The following NTN4 variants were observed in gnomAD, a reference collection of about 807,000 sequenced individuals.
The protein encoded by NTN4 is netrin 4, also known as netrin-4.
Under a neutral mutation model 73.6 loss-of-function variants are expected in NTN4, and 32 were observed. The ratio of observed to expected loss-of-function variants is 0.44; its 90% CI spans 0.33 to 0.58. NTN4 has a LOEUF of 0.58. Ranked by LOEUF, NTN4 falls within the 20% of genes least tolerant of loss-of-function variation. NTN4 has a pLI of 0.04. For synonymous variants in NTN4, 258 were observed against 287.5 expected, an observed-to-expected ratio of 0.90 and a Z score of 1.04; for missense variants, 654 against 798.3, an observed-to-expected ratio of 0.82 and a Z score of 2.18.
chr12:95,672,484 AAG>A, intron 7 of NTN4: 1 of 1,525,926 alleles, frequency 6.6e-7, no homozygotes, highest in Non-Finnish European at 9.1e-7. Context: ...CTCAGTGCAG[AAG>A]AGAGCGACCC....
intron 3 of NTN4, among the ~76,000 whole-genome samples, chr12:95,718,840 C>T (rs61938132): frequency 6.6e-6 from 1 of 152,154 alleles, no homozygotes; most frequent in African/African-American, 2.4e-5. Flanking sequence ...TCTCTCTCTA[C>T]TGCATGTTTC....
At position 95,658,834 on chromosome 12, in the gene NTN4, AAT is replaced by A. The variant is rs1322103302; in HGVS notation, c.*250_*251del. ...GTCATGCTGCTATTAAAATATTCTT[AAT>A]AGTTAAGAATTTCAGAATCAGTCCC... On this transcript the variant is annotated 3_prime_UTR_variant, in exon 10 of 10. Coordinates refer to ENST00000343702, the MANE Select transcript of NTN4 (RefSeq NM_021229.4). The A allele has an allele frequency of 1.2e-4, 36 of 303,788 alleles. No individual in the cohort carries two copies. The highest frequency in any genetic ancestry group is 7.8e-4 in the African/African-American group (36 of 46,424). 18.8% of individuals were successfully genotyped at this position (303,788 alleles called of 1,614,324 possible).
At chr12:95,706,791 T>C (rs944461609) in intron 5 of NTN4, among the ~76,000 whole-genome samples, 4 of 152,056 alleles carry the variant, frequency 2.6e-5, no homozygotes, top group African/African-American at 7.2e-5. Context: ...AAACTGGCTT[T>C]GTTAACCAAT....
intron 2 of NTN4, 124 bp from the exon 3 acceptor site, chr12:95,738,268 G>T: frequency 1.1e-6 from 1 of 937,962 alleles, no homozygotes; most frequent in Non-Finnish European, 1.6e-6. Context: ...ATAACAAGAA[G>T]TTTTTAGACC....
rs534838293 is a variant in NTN4, at chr12:95,713,098, G to C, written c.991+114C>G. On this transcript the variant is annotated intron_variant, in intron 4 of 9. Transcript: ENST00000343702. ...CAGTGATATGGCTATGTTTGTGTAG[G>C]GTCTAGTGTTTGTCACCCACCACTT... The C allele has an allele frequency of 2.8e-5, 35 of 1,257,420 alleles. No homozygotes were observed. In the African/African-American group the frequency reaches 4.4e-4, roughly 16 times the overall value. The allele number at this position is 1,257,420 out of a possible 1,614,324, so 77.9% of individuals were successfully genotyped here.
chr12:95,775,848 C>T lies in NTN4; in HGVS notation c.585+11091G>A, dbSNP rs554356666. Among the ~76,000 whole-genome samples, 144 of 152,288 alleles carry T rather than the reference C, an allele frequency of 9.5e-4. 1 individual carries two copies. Among genetic ancestry groups the T allele is most frequent in the Middle Eastern group, 3.4e-3 (1 of 294 alleles). On this transcript the variant is annotated intron_variant, in intron 2 of 9. Coordinates refer to ENST00000343702, the MANE Select transcript of NTN4 (RefSeq NM_021229.4). ...GAAGAGAGTAGTGGTTCTCCCAGCA[C>T]GGAGTTTGAGATCTGAGAATGGACA...
intron 2 of NTN4, among the ~76,000 whole-genome samples, chr12:95,785,229 A>G (rs1398293594): frequency 2.0e-5 from 3 of 152,216 alleles, no homozygotes; most frequent in African/African-American, 7.2e-5. Flanking sequence ...TATTTTTTCA[A>G]CTTCATAGAT....
chr12:95,671,448 C>T (rs933580011), intron 7 of NTN4, among the ~76,000 whole-genome samples: 3 of 152,146 alleles, frequency 2.0e-5, no homozygotes, highest in African/African-American at 7.2e-5. Context: ...CACTTCCCAT[C>T]ACTCAAATTA....
intron 7 of NTN4, among the ~76,000 whole-genome samples, chr12:95,671,995 CAT>C (rs1332137467): frequency 6.6e-6 from 1 of 151,806 alleles, no homozygotes; most frequent in Non-Finnish European, 1.5e-5. Flanking sequence ...TTAATATTCT[CAT>C]AGGTAGAAAT....
intron 3 of NTN4, among the ~76,000 whole-genome samples, chr12:95,718,644 T>C (rs1296129645): frequency 1.3e-5 from 2 of 152,162 alleles, no homozygotes; most frequent in Non-Finnish European, 2.9e-5. Context: ...TGGAATCATC[T>C]GAAAATCAAA....
intron 5 of NTN4, among the ~76,000 whole-genome samples, chr12:95,685,638 T>C (rs1390832334): frequency 6.6e-6 from 1 of 152,250 alleles, no homozygotes; most frequent in Admixed American, 6.5e-5. Flanking sequence ...CCTTGGAAAC[T>C]TCTTTTATTG....
intron 5 of NTN4, among the ~76,000 whole-genome samples, chr12:95,684,355 G>A (rs919989831): frequency 6.6e-6 from 1 of 151,984 alleles, no homozygotes; most frequent in African/African-American, 2.4e-5. Context: ...CCAGAGTGCA[G>A]TGGTACCACC....
intron 9 of NTN4, among the ~76,000 whole-genome samples, chr12:95,661,877 T>C (rs945566188): frequency 3.0e-4 from 46 of 152,046 alleles, no homozygotes; most frequent in Admixed American, 3.0e-3. Context: ...AAAAACTAGA[T>C]ATAACGTGTG....
chr12:95,735,046 C>T (rs2078765180), intron 3 of NTN4, among the ~76,000 whole-genome samples: 1 of 151,902 alleles, frequency 6.6e-6, no homozygotes, highest in Non-Finnish European at 1.5e-5. Flanking sequence ...TCTCAAAAAA[C>T]AAAACAAAAC....
At chr12:95,743,355 G>A (rs560689210) in intron 2 of NTN4, among the ~76,000 whole-genome samples, 1 of 151,992 alleles carries the variant, frequency 6.6e-6, no homozygotes, top group Non-Finnish European at 1.5e-5. Flanking sequence ...TGTGTTTAAT[G>A]TGCTCTTCTT....
upstream of NTN4, among the ~76,000 whole-genome samples, chr12:95,790,931 G>GGC (rs955087020): frequency 3.9e-4 from 58 of 149,108 alleles, 1 homozygote; most frequent in Non-Finnish European, 3.7e-4. The surrounding 1 kb of genome is among the most constrained non-coding windows in gnomAD (Gnocchi z 6.5). Context: ...TGCCGCCCGG[G>GGC]GGGGGGGTCC....
intron 2 of NTN4, among the ~76,000 whole-genome samples, chr12:95,761,434 G>A (rs978966454): frequency 2.0e-5 from 3 of 150,474 alleles, no homozygotes; most frequent in South Asian, 2.1e-4. Flanking sequence ...GGGTTCCAGC[G>A]ATTCTCCCAC....
chr12:95,770,118 A>G (rs1005734315), intron 2 of NTN4, among the ~76,000 whole-genome samples: 3 of 152,206 alleles, frequency 2.0e-5, no homozygotes, highest in African/African-American at 7.2e-5. Flanking sequence ...ACTCAGATAT[A>G]GAAGTACAGA....
intron 5 of NTN4, among the ~76,000 whole-genome samples, chr12:95,709,298 A>G (rs2078544690): frequency 6.6e-6 from 1 of 152,014 alleles, no homozygotes; most frequent in South Asian, 2.1e-4. Flanking sequence ...CTCCATTAAT[A>G]GTCTTGAGTG....
Sources: gnomAD v4.1 joint callset for allele counts (sites outside exome capture counted in the v4.1 genomes callset) on GRCh38, gnomAD v4.1.1 for gene constraint, Gnocchi (gnomAD v3.1) non-coding constraint, MANE v1.5 for transcripts, NCBI Gene and HGNC (gene_info 2026-07-23, HGNC 2026-07-21) for gene names.